Variants in FBXL18 observed in about 807,000 individuals in gnomAD.
FBXL18 encodes F-box and leucine rich repeat protein 18.
FBXL18 carries 36 observed loss-of-function variants against 46.0 expected under a neutral mutation model. That is an observed-to-expected ratio of 0.78 (90% CI 0.60 to 1.03). The LOEUF is 1.03. Ranked by LOEUF, FBXL18 falls within the 50% of genes least tolerant of loss-of-function variation. FBXL18 has a pLI of 0.00. For missense variants in FBXL18, 977 were observed against 1,004.1 expected, an observed-to-expected ratio of 0.97 and a Z score of 0.36; for synonymous variants, 557 against 465.3, an observed-to-expected ratio of 1.20 and a Z score of -2.54.
In FBXL18 at chr7:5,491,298, T is replaced by A. The variant is rs1562692209; in HGVS notation, c.1933A>T (p.Met645Leu). ...GACTCCCCGGTGAACAGGTGGCACA[T>A]GACAACCTGCAGGCAGCGAGCCATG... ...AFMARCLQVV[M>L]CHLFTGESLA... Residue 645 changes from methionine (M) to leucine (L), a missense_variant, in exon 4 of 5, where the codon ATG (methionine) becomes TTG (leucine). Physicochemically the swap from Met to Leu is conservative, Grantham distance 15. Coordinates refer to ENST00000382368, the MANE Select transcript of FBXL18 (RefSeq NM_024963.6). 1 of 1,612,758 alleles carries A rather than the reference T, an allele frequency of 6.2e-7. No homozygotes were observed. Among genetic ancestry groups the A allele is most frequent in the African/African-American group, 1.3e-5 (1 of 74,894 alleles).
At chr7:5,487,402 C>T in intron 4 of FBXL18, among the ~76,000 whole-genome samples, 1 of 152,218 alleles carries the variant, frequency 6.6e-6, no homozygotes, top group East Asian at 1.9e-4. Flanking sequence ...GCACAGAGGT[C>T]CCTGCAATGC....
At chr7:5,508,993 G>A (rs1480802861) in intron 1 of FBXL18, among the ~76,000 whole-genome samples, 1 of 152,076 alleles carries the variant, frequency 6.6e-6, no homozygotes, top group Non-Finnish European at 1.5e-5. Flanking sequence ...AGGAGTTTGA[G>A]ACAGGCCTCG....
rs1428610510 is a variant in FBXL18, at chr7:5,496,631, C to T, written c.1781+3857G>A. 6.6e-6 allele frequency among the ~76,000 whole-genome samples: 1 copy of T among 152,238 alleles called. No individual in the cohort carries two copies. The highest frequency in any genetic ancestry group is 1.9e-4 in the East Asian group (1 of 5,194). ...GCACAGTGGCTCACACCTGTGATCC[C>T]AGCCCTTTGGGCGGCCCAGGCAAGA... On this transcript the variant is annotated intron_variant, in intron 3 of 4. Transcript: ENST00000382368. This position sits in a 1 kb window ranked among gnomAD's most constrained non-coding sequence, Gnocchi z 4.8.
chr7:5,489,189 C>T, intron 4 of FBXL18: 1 of 510,040 alleles, frequency 2.0e-6, no homozygotes, highest in Non-Finnish European at 3.9e-6. Flanking sequence ...AGAATAATCA[C>T]TTAGGGCTTT....
Position 5,491,665 on chromosome 7 carries a change from T to C in FBXL18, c.1782-216A>G, listed in dbSNP as rs376703816. Among the ~76,000 whole-genome samples the C allele has an allele frequency of 2.2e-4, 34 of 152,244 alleles. No homozygotes were observed. The South Asian group carries it at 5.0e-3, about 22-fold the overall frequency. Reference sequence around the variant, plus strand: ...GAGATCTGATTTGGAGGCGACCCGGTGGGCCTGATGCAAGCAGCCAGCCAG... The same window carrying C: ...GAGATCTGATTTGGAGGCGACCCGGCGGGCCTGATGCAAGCAGCCAGCCAG... On this transcript the variant is annotated intron_variant, in intron 3 of 4. Coordinates refer to ENST00000382368, the MANE Select transcript of FBXL18 (RefSeq NM_024963.6).
At chr7:5,490,891 G>A (rs999674153) in intron 4 of FBXL18, among the ~76,000 whole-genome samples, 3 of 152,196 alleles carry the variant, frequency 2.0e-5, no homozygotes, top group East Asian at 1.9e-4. Context: ...CCCGGAAGGC[G>A]AAGGTCGCAG....
intron 4 of FBXL18, among the ~76,000 whole-genome samples, chr7:5,469,946 C>T (rs1783402162): frequency 6.6e-6 from 1 of 151,914 alleles, no homozygotes; most frequent in South Asian, 2.1e-4. Flanking sequence ...GAGTAAACGT[C>T]CGTGTGTGAA....
downstream of FBXL18, among the ~76,000 whole-genome samples, chr7:5,475,004 G>A (rs886449428): frequency 8.8e-5 from 13 of 147,760 alleles, no homozygotes; most frequent in South Asian, 2.2e-4. This position sits in a 1 kb window ranked among gnomAD's most constrained non-coding sequence, Gnocchi z 4.2. Flanking sequence ...CACCGCGCCT[G>A]GCCAAATTAT....
intron 4 of FBXL18, among the ~76,000 whole-genome samples, chr7:5,464,933 C>A (rs865894724): frequency 1.0e-4 from 15 of 150,526 alleles, no homozygotes; most frequent in African/African-American, 2.4e-4. Context: ...TGTGGTGGTG[C>A]GCGCCTGTAA....
At chr7:5,503,277 G>C (rs1784314126) in intron 2 of FBXL18, among the ~76,000 whole-genome samples, 1 of 152,184 alleles carries the variant, frequency 6.6e-6, no homozygotes, top group South Asian at 2.1e-4. Context: ...CCATCTACTT[G>C]GGAGGCTGAG....
intron 4 of FBXL18, among the ~76,000 whole-genome samples, chr7:5,487,867 G>A (rs1332297283): frequency 6.6e-6 from 1 of 152,114 alleles, no homozygotes; most frequent in East Asian, 1.9e-4. Context: ...ATCGGAGGGG[G>A]AGGGGTGGGT....
At chr7:5,494,158 G>C (rs1419272097) in intron 3 of FBXL18, among the ~76,000 whole-genome samples, 1 of 152,086 alleles carries the variant, frequency 6.6e-6, no homozygotes, top group Non-Finnish European at 1.5e-5. Context: ...TGTAATCCCA[G>C]CTACTCGGGA....
chr7:5,458,088 A>C (rs1467326315), intron 4 of FBXL18, among the ~76,000 whole-genome samples: 4 of 151,342 alleles, frequency 2.6e-5, no homozygotes, highest in Non-Finnish European at 5.9e-5. Flanking sequence ...AAAAAAAAAC[A>C]ACCCCAAAAC....
chr7:5,501,072 C>T lies in FBXL18; in HGVS notation c.1197G>A (p.Glu399=). ...NLSAAHHHSS[E]GLGRHLCQLL... ...GCTGGCAGAGGTGGCGGCCCAGGCCCTCCGAGCTGTGGTGGTGGGCGGCCG... is the reference window on the plus strand; with the variant it reads ...GCTGGCAGAGGTGGCGGCCCAGGCCTTCCGAGCTGTGGTGGTGGGCGGCCG... The change falls in exon 3 of 5, where the codon GAG becomes GAA. Residue 399 remains glutamate, a synonymous_variant. Transcript: ENST00000382368. The T allele has an allele frequency of 1.2e-6, 2 of 1,611,102 alleles. No homozygotes were observed. Among genetic ancestry groups the T allele is most frequent in the South Asian group, 2.2e-5 (2 of 90,992 alleles).
chr7:5,483,834 C>T (rs947145848), intron 4 of FBXL18, among the ~76,000 whole-genome samples: 1 of 152,134 alleles, frequency 6.6e-6, no homozygotes, highest in South Asian at 2.1e-4. Flanking sequence ...AGAACCTCAC[C>T]GTTTGCCAAC....
intron 2 of FBXL18, among the ~76,000 whole-genome samples, chr7:5,502,419 C>T (rs971992479): frequency 5.3e-5 from 8 of 151,626 alleles, no homozygotes; most frequent in African/African-American, 1.9e-4. Context: ...CCTTTTATCC[C>T]AGCTACTCCA....
intron 4 of FBXL18, among the ~76,000 whole-genome samples, chr7:5,465,848 T>C (rs1241587957): frequency 6.6e-6 from 1 of 151,274 alleles, no homozygotes; most frequent in Non-Finnish European, 1.5e-5. Flanking sequence ...AATGGAGTCT[T>C]AGTCTGTCGC....
intron 4 of FBXL18, among the ~76,000 whole-genome samples, chr7:5,469,013 C>T (rs4296949): frequency 0.65 from 97,887 of 151,700 alleles, 31,743 homozygotes; most frequent in East Asian, 0.8. Context: ...GTGTGGTGTG[C>T]GGGTGTGATG....
intron 4 of FBXL18, among the ~76,000 whole-genome samples, chr7:5,465,138 CTT>C (rs1422606312): frequency 6.6e-6 from 1 of 152,138 alleles, no homozygotes; most frequent in Non-Finnish European, 1.5e-5. Context: ...GTTTCTGCAA[CTT>C]CTCTCTGGGA....
Sources: gnomAD v4.1 joint callset for allele counts (sites outside exome capture counted in the v4.1 genomes callset) on GRCh38, gnomAD v4.1.1 for gene constraint, Gnocchi (gnomAD v3.1) non-coding constraint, MANE v1.5 for transcripts, NCBI Gene and HGNC (gene_info 2026-07-23, HGNC 2026-07-21) for gene names.